NR2E1: variants seen among roughly 807,000 people sequenced by gnomAD.
NR2E1 encodes nuclear receptor subfamily 2 group E member 1.
In NR2E1, 5 loss-of-function variants were observed where a neutral mutation model predicts 43.6. The ratio of observed to expected loss-of-function variants is 0.11; its 90% CI spans 0.06 to 0.24. The LOEUF (loss-of-function observed/expected upper bound fraction) is 0.24, where lower values mean the gene tolerates loss of function less well. Ranked by LOEUF, NR2E1 falls within the 10% of genes least tolerant of loss-of-function variation. The pLI is 1.00. For missense variants in NR2E1, 287 were observed against 496.7 expected, an observed-to-expected ratio of 0.58 and a Z score of 4.01; for synonymous variants, 191 against 195.5, an observed-to-expected ratio of 0.98 and a Z score of 0.19.
chr6:108,171,168 G>A (rs1157535233), intron 1 of NR2E1, among the ~76,000 whole-genome samples: 1 of 152,182 alleles, frequency 6.6e-6, no homozygotes, highest in Non-Finnish European at 1.5e-5. Flanking sequence ...CTGCCGCCCG[G>A]GCCTGCTGTC....
intron 2 of NR2E1, 144 bp downstream of exon 2, chr6:108,171,747 T>C: frequency 9.1e-7 from 1 of 1,101,478 alleles, no homozygotes; most frequent in Non-Finnish European, 1.4e-6. Flanking sequence ...CCTTCTTGCC[T>C]CAACTCTTGG....
rs1306277962 is a variant in NR2E1 at position 108,178,181 on chromosome 6, C to T, written c.582C>T (p.Phe194=). 4 of 1,614,082 alleles carry T rather than the reference C, an allele frequency of 2.5e-6. No individual in the cohort carries two copies. The highest frequency in any genetic ancestry group is 1.3e-5 in the African/African-American group (1 of 74,926). The part of the protein sequence containing the change: ...SVCESAARLL[F]MSIKWAKSVP... ...GTGAATCAGCTGCCAGACTTCTCTTCATGAGCATCAAGTGGGCTAAGAGTG... is the reference window on the plus strand; with the variant it reads ...GTGAATCAGCTGCCAGACTTCTCTTTATGAGCATCAAGTGGGCTAAGAGTG... The change falls in exon 5 of 9, where the codon TTC becomes TTT. Residue 194 remains phenylalanine (F), a synonymous_variant. Coordinates refer to ENST00000368986, the MANE Select transcript of NR2E1 (RefSeq NM_003269.5).
intron 8 of NR2E1, among the ~76,000 whole-genome samples, chr6:108,185,591 T>C (rs1774064714): frequency 6.6e-6 from 1 of 152,168 alleles, no homozygotes. Flanking sequence ...GCCCTTGCTA[T>C]GTTGCCCAGG....
At chr6:108,173,574 G>A (rs956666292) in intron 2 of NR2E1, among the ~76,000 whole-genome samples, 2 of 152,058 alleles carry the variant, frequency 1.3e-5, no homozygotes, top group African/African-American at 2.4e-5. Flanking sequence ...AACTGCATTC[G>A]AATGTGTAAT....
Position 108,174,625 on chromosome 6 carries a change from C to T in NR2E1, c.172-211C>T, listed in dbSNP as rs141339110. 2.8e-3 allele frequency among the ~76,000 whole-genome samples: 428 copies of T among 152,192 alleles called. 4 individuals carry two copies. Among genetic ancestry groups the T allele is most frequent in the African/African-American group, 9.9e-3 (413 of 41,554 alleles). On this transcript the variant is annotated intron_variant, in intron 2 of 8. Transcript: ENST00000368986. ...CGCTTTCTTGGGGTCCGGGACTGGCCCTCTTGAAGTAGCCTGGGACGTCCC... is the reference window on the plus strand; with the variant it reads ...CGCTTTCTTGGGGTCCGGGACTGGCTCTCTTGAAGTAGCCTGGGACGTCCC...
intron 7 of NR2E1, 104 bp downstream of exon 7, chr6:108,181,060 G>A: frequency 8.2e-7 from 1 of 1,212,754 alleles, no homozygotes; most frequent in Non-Finnish European, 1.2e-6. Context: ...AGAGGTGATG[G>A]TTTTCAAGGG....
At chr6:108,184,892 A>G (rs1168178472) in intron 8 of NR2E1, among the ~76,000 whole-genome samples, 2 of 152,242 alleles carry the variant, frequency 1.3e-5, no homozygotes, top group Non-Finnish European at 2.9e-5. Context: ...ATATCAAATA[A>G]GTATCTTATT....
At chr6:108,186,338 T>C (rs1455978832) in intron 8 of NR2E1, among the ~76,000 whole-genome samples, 1 of 18,768 alleles carries the variant, frequency 5.3e-5, no homozygotes, top group African/African-American at 2.4e-3. Flanking sequence ...GCTAAATATT[T>C]AGACAAGCAT....
At chr6:108,177,673 A>C (rs1003676346) in intron 4 of NR2E1, among the ~76,000 whole-genome samples, 2 of 152,240 alleles carry the variant, frequency 1.3e-5, no homozygotes, top group African/African-American at 4.8e-5. Flanking sequence ...TAATATACTA[A>C]TCCTTTCTAA....
At chr6:108,175,953 C>A (rs990551412) in intron 3 of NR2E1, among the ~76,000 whole-genome samples, 4 of 152,254 alleles carry the variant, frequency 2.6e-5, no homozygotes, top group African/African-American at 9.6e-5. Flanking sequence ...CGGGTTCTCC[C>A]TCGTTCCATT....
At chr6:108,181,501 C>T in intron 7 of NR2E1, 45 bp from the exon 8 acceptor site, 5 of 1,516,942 alleles carry the variant, frequency 3.3e-6, no homozygotes, top group Non-Finnish European at 4.6e-6. Flanking sequence ...CTCCCAGATG[C>T]AATTTCTATG....
chr6:108,172,297 A>C (rs571883988), intron 2 of NR2E1, among the ~76,000 whole-genome samples: 53 of 152,348 alleles, frequency 3.5e-4, no homozygotes, highest in Non-Finnish European at 6.2e-4. Flanking sequence ...AGGAAGGTGC[A>C]ACTGGGACCC....
chr6:108,185,850 G>T (rs575283628), intron 8 of NR2E1, among the ~76,000 whole-genome samples: 69 of 152,328 alleles, frequency 4.5e-4, no homozygotes, highest in Middle Eastern at 3.4e-3. Context: ...GGAGTTGGTT[G>T]TCTATAGATT....
rs968304284 is a variant in NR2E1 at position 108,187,530 on chromosome 6, C to T, written c.*67C>T. On this transcript the variant is annotated 3_prime_UTR_variant, in exon 9 of 9. Coordinates refer to ENST00000368986, the MANE Select transcript of NR2E1 (RefSeq NM_003269.5). ...TGAACTTCAACCCATGGAGAACAAGCCTCAACTAACAAACCCTTCAGGAAG... is the reference window on the plus strand; with the variant it reads ...TGAACTTCAACCCATGGAGAACAAGTCTCAACTAACAAACCCTTCAGGAAG... 1 of 1,535,892 alleles carries T rather than the reference C, an allele frequency of 6.5e-7. No individual in the cohort carries two copies. Among genetic ancestry groups the T allele is most frequent in the Non-Finnish European group, 9.0e-7 (1 of 1,111,570 alleles).
At position 108,166,715 on chromosome 6, in the gene NR2E1, G is replaced by C; in HGVS notation, c.-51G>C. ...GCCCGGCGGCGAGGCGGGCGCTGCC[G>C]GCCGGGACTCGGGCAGCGCCCACCA... On this transcript the variant is annotated 5_prime_UTR_variant, in exon 1 of 9. Coordinates refer to ENST00000368986, the MANE Select transcript of NR2E1 (RefSeq NM_003269.5). This position sits in a 1 kb window ranked among gnomAD's most constrained non-coding sequence, Gnocchi z 7.2. 1 of 1,493,546 alleles carries C rather than the reference G, an allele frequency of 6.7e-7. No individual in the cohort carries two copies. The highest frequency in any genetic ancestry group is 1.2e-5 in the South Asian group (1 of 80,004). The allele number at this position is 1,493,546 out of a possible 1,614,324, so 92.5% of individuals were successfully genotyped here.
Position 108,169,893 on chromosome 6 carries a change from G to A in NR2E1, c.26-1565G>A, listed in dbSNP as rs1773777068. On this transcript the variant is annotated intron_variant, in intron 1 of 8. Coordinates refer to ENST00000368986, the MANE Select transcript of NR2E1 (RefSeq NM_003269.5). The surrounding 1 kb of genome is among the most constrained non-coding windows in gnomAD (Gnocchi z 6.1). ...TGACGGGTCACTGGTGGCTCTATAG[G>A]CAGGTGCTGCCGCGGGGTTGTAATT... Among the ~76,000 whole-genome samples, 1 of 152,078 alleles carries A rather than the reference G, an allele frequency of 6.6e-6. No homozygotes were observed. Among genetic ancestry groups the A allele is most frequent in the African/African-American group, 2.4e-5 (1 of 41,410 alleles).
chr6:108,174,703 G>A, intron 2 of NR2E1, 133 bp from the exon 3 acceptor site: 2 of 717,096 alleles, frequency 2.8e-6, no homozygotes, highest in Non-Finnish European at 4.9e-6. Flanking sequence ...CGTTTTGCAG[G>A]CCCAGGCTCG....
chr6:108,177,082 A>C (rs552999324), intron 4 of NR2E1, among the ~76,000 whole-genome samples: 2 of 152,272 alleles, frequency 1.3e-5, no homozygotes, highest in South Asian at 4.1e-4. Flanking sequence ...ACCTCGTCTA[A>C]ACCCAGAGGG....
chr6:108,168,202 G>A lies in NR2E1; in HGVS notation c.25+1412G>A, dbSNP rs182631930. The A allele has an allele frequency of 1.0e-5, 16 of 1,550,004 alleles. No homozygotes were observed. The African/African-American group carries it at 1.4e-4, about 13-fold the overall frequency. ...ATTTTTGTTGCCCGCATTCCCGGGC[G>A]TGAGTGTCCTTCCCAGGAGGCTCAG... On this transcript the variant is annotated intron_variant, in intron 1 of 8. Coordinates refer to ENST00000368986, the MANE Select transcript of NR2E1 (RefSeq NM_003269.5).
Sources: allele counts gnomAD v4.1 joint callset (sites outside exome capture counted in the v4.1 genomes callset), GRCh38; gene constraint gnomAD v4.1.1; non-coding constraint Gnocchi (gnomAD v3.1); transcripts MANE v1.5; gene names NCBI Gene and HGNC (gene_info 2026-07-23, HGNC 2026-07-21).